The following CNTNAP2 variants were observed in gnomAD, a reference collection of about 807,000 sequenced individuals.
CNTNAP2 encodes the protein contactin associated protein 2, also known as contactin-associated protein-like 2.
In CNTNAP2, 98 loss-of-function variants were observed where a neutral mutation model predicts 155.2. That is an observed-to-expected ratio of 0.63 (90% CI 0.54 to 0.75). The LOEUF (loss-of-function observed/expected upper bound fraction) is 0.75. Ranked by LOEUF, CNTNAP2 falls within the 30% of genes least tolerant of loss-of-function variation. The pLI, the probability that CNTNAP2 is intolerant of heterozygous loss-of-function variation, is 0.00. For missense variants in CNTNAP2, 1,727 were observed against 1,688.1 expected (o/e 1.02, Z -0.40); for synonymous variants, 651 against 631.2 (o/e 1.03, Z -0.47).
intron 1 of CNTNAP2, among the ~76,000 whole-genome samples, chr7:146,579,870 A>G (rs750144334): frequency 6.6e-5 from 10 of 152,120 alleles, no homozygotes; most frequent in Non-Finnish European, 1.0e-4. Context: ...ATAATATTGC[A>G]GAGAATAACC....
intron 14 of CNTNAP2, among the ~76,000 whole-genome samples, chr7:147,941,142 G>A (rs908083794): frequency 3.5e-4 from 53 of 152,220 alleles, no homozygotes; most frequent in African/African-American, 1.2e-3. Context: ...GAAGCAAAAG[G>A]GTTTCCCAAA....
intron 13 of CNTNAP2, among the ~76,000 whole-genome samples, chr7:147,763,248 G>C (rs1013913718): frequency 8.0e-5 from 10 of 124,546 alleles, no homozygotes; most frequent in African/African-American, 3.1e-4. Flanking sequence ...AACAAGAGCA[G>C]AAACTCAGTC....
At chr7:146,792,622 TA>T (rs958435510) in intron 2 of CNTNAP2, among the ~76,000 whole-genome samples, 127 of 152,236 alleles carry the variant, frequency 8.3e-4, no homozygotes, top group African/African-American at 3.0e-3. Context: ...ATACCACCAC[TA>T]AAGATTCATT....
At chr7:148,294,277 T>C (rs1379740300) in intron 21 of CNTNAP2, among the ~76,000 whole-genome samples, 2 of 152,160 alleles carry the variant, frequency 1.3e-5, no homozygotes, top group African/African-American at 4.8e-5. Flanking sequence ...TATTGTATTG[T>C]CCTTTATTCA....
chr7:147,949,072 A>G (rs1179501559), intron 14 of CNTNAP2, among the ~76,000 whole-genome samples: 1 of 151,698 alleles, frequency 6.6e-6, no homozygotes, highest in Non-Finnish European at 1.5e-5. Flanking sequence ...GTGGTGGTGG[A>G]TGCCTGTAAT....
chr7:147,076,199 A>G (rs1383690461), intron 4 of CNTNAP2, among the ~76,000 whole-genome samples: 2 of 152,218 alleles, frequency 1.3e-5, no homozygotes, highest in Non-Finnish European at 2.9e-5. Context: ...TCCTTGAGGA[A>G]TCGCCACACT....
chr7:146,452,944 G>T (rs73462711), intron 1 of CNTNAP2, among the ~76,000 whole-genome samples: 4,925 of 152,264 alleles, frequency 0.032, 196 homozygotes, highest in African/African-American at 0.091. Context: ...TCTTTGACAG[G>T]TTGGAAACAA....
intron 1 of CNTNAP2, among the ~76,000 whole-genome samples, chr7:146,314,159 A>G (rs934780315): frequency 6.6e-6 from 1 of 152,192 alleles, no homozygotes; most frequent in African/African-American, 2.4e-5. Flanking sequence ...CTTTGAAAGA[A>G]ATCAATTGAT....
intron 1 of CNTNAP2, among the ~76,000 whole-genome samples, chr7:146,753,603 A>G (rs1199178725): frequency 6.6e-6 from 1 of 152,098 alleles, no homozygotes; most frequent in Non-Finnish European, 1.5e-5. Flanking sequence ...ATTTTATCTC[A>G]TGTACGTTAC....
intron 20 of CNTNAP2, among the ~76,000 whole-genome samples, chr7:148,231,830 T>C (rs1026842985): frequency 6.6e-6 from 1 of 151,984 alleles, no homozygotes; most frequent in African/African-American, 2.4e-5. Flanking sequence ...TTGATTAGAG[T>C]GGGGAACTTG....
rs188363499 is a variant in CNTNAP2 at position 148,228,452 on chromosome 7, T to C, written c.3248-1194T>C. Among the ~76,000 whole-genome samples, 15 of 152,226 alleles carry C rather than the reference T, an allele frequency of 9.9e-5. No homozygotes were observed. The East Asian group carries it at 2.7e-3, about 27-fold the overall frequency. On this transcript the variant is annotated intron_variant, in intron 19 of 23. Transcript: ENST00000361727. Reference sequence around the variant, plus strand: ...CAGGGAAAGCCATCTTTCCTGTTGATTTGCATTTGATTAGTCTGTAAGCTA... The same window carrying C: ...CAGGGAAAGCCATCTTTCCTGTTGACTTGCATTTGATTAGTCTGTAAGCTA...
chr7:146,221,384 T>G (rs1799206675), intron 1 of CNTNAP2, among the ~76,000 whole-genome samples: 1 of 152,138 alleles, frequency 6.6e-6, no homozygotes, highest in African/African-American at 2.4e-5. Flanking sequence ...TTAAATATAC[T>G]TATATTTAAA....
intron 1 of CNTNAP2, among the ~76,000 whole-genome samples, chr7:146,249,695 C>G (rs1041005846): frequency 6.6e-6 from 1 of 152,122 alleles, no homozygotes; most frequent in Non-Finnish European, 1.5e-5. Flanking sequence ...GAAAACTTGT[C>G]AGAATGCTAT....
At chr7:147,065,139 A>G (rs1008542764) in intron 4 of CNTNAP2, among the ~76,000 whole-genome samples, 2 of 152,190 alleles carry the variant, frequency 1.3e-5, no homozygotes, top group Non-Finnish European at 2.9e-5. Flanking sequence ...TTCCCTTATT[A>G]GCTATGAAGC....
chr7:146,731,090 G>A (rs879549345), intron 1 of CNTNAP2, among the ~76,000 whole-genome samples: 1 of 152,130 alleles, frequency 6.6e-6, no homozygotes, highest in Admixed American at 6.6e-5. Context: ...ACTGAGCATT[G>A]AGCAAGTTAA....
At chr7:147,121,299 T>G (rs1052873270) in intron 6 of CNTNAP2, 136 bp downstream of exon 6, 1 of 798,756 alleles carries the variant, frequency 1.3e-6, no homozygotes, top group African/African-American at 1.7e-5. Context: ...CTGACAATTT[T>G]AAAAACCTGA....
At chr7:147,120,787 C>T (rs1024971122) in intron 5 of CNTNAP2, among the ~76,000 whole-genome samples, 192 bp from the exon 6 acceptor site, 2 of 151,978 alleles carry the variant, frequency 1.3e-5, no homozygotes, top group African/African-American at 4.8e-5. Flanking sequence ...CCCCCCTACC[C>T]CCAACCCACA....
intron 12 of CNTNAP2, among the ~76,000 whole-genome samples, chr7:147,600,155 T>C (rs1453705378): frequency 6.6e-6 from 1 of 152,224 alleles, no homozygotes; most frequent in African/African-American, 2.4e-5. Context: ...TCCTCCTCTT[T>C]CATCCACCAC....
At chr7:147,840,776 C>T (rs1798715146) in intron 13 of CNTNAP2, among the ~76,000 whole-genome samples, 1 of 152,124 alleles carries the variant, frequency 6.6e-6, no homozygotes, top group Non-Finnish European at 1.5e-5. Context: ...GAAAGGTACT[C>T]ACATCACATC....
Sources: gnomAD v4.1 joint callset for allele counts (sites outside exome capture counted in the v4.1 genomes callset) on GRCh38, gnomAD v4.1.1 for gene constraint, MANE v1.5 for transcripts, NCBI Gene and HGNC (gene_info 2026-07-23, HGNC 2026-07-21) for gene names.